The following DNHD1 variants were observed in gnomAD, a reference collection of about 807,000 sequenced individuals.
DNHD1 encodes the protein dynein heavy chain domain-containing protein 1.
Under a neutral mutation model 458.1 loss-of-function variants are expected in DNHD1, and 383 were observed. The ratio of observed to expected loss-of-function variants is 0.84; its 90% confidence interval spans 0.77 to 0.91. DNHD1 has a LOEUF of 0.91. Ranked by LOEUF, DNHD1 falls within the 40% of genes least tolerant of loss-of-function variation. The pLI is 0.00. For missense variants in DNHD1, 5,336 were observed against 5,866.1 expected, an observed-to-expected ratio of 0.91 and a Z score of 2.95; for synonymous variants, 2,203 against 2,376.9, an observed-to-expected ratio of 0.93 and a Z score of 2.13.
chr11:6,567,711 C>G lies in DNHD1; in HGVS notation c.12202C>G (p.Leu4068Val). The G allele has an allele frequency of 6.2e-7, 1 of 1,613,908 alleles. No homozygotes were observed. The highest frequency in any genetic ancestry group is 8.5e-7 in the Non-Finnish European group (1 of 1,179,900). ...DFTTSLLGRP[L>V]DENTYAPTMP... ...CACCACTAGCCTCCTGGGTCGGCCC[C>G]TGGATGAAAACACGTATGCTCCCAC... Residue 4068 changes from leucine to valine, a missense_variant, in exon 36 of 43, where the codon CTG becomes GTG. Leu to Val is a conservative substitution (Grantham distance 32). Coordinates refer to ENST00000254579, the MANE Select transcript of DNHD1 (RefSeq NM_144666.3).
chr11:6,547,737 TG>T, intron 21 of DNHD1, 71 bp downstream of exon 21: 4 of 1,480,144 alleles, frequency 2.7e-6, no homozygotes, highest in Middle Eastern at 2.0e-4. Flanking sequence ...AGCTGGAGCC[TG>T]GGGCGTGTGT....
At chr11:6,522,852 C>T (rs1852631692) in intron 10 of DNHD1, among the ~76,000 whole-genome samples, 2 of 152,114 alleles carry the variant, frequency 1.3e-5, no homozygotes, top group Non-Finnish European at 2.9e-5. Flanking sequence ...AGATTCTAAT[C>T]ACTAAAAGAA....
In DNHD1 at chr11:6,548,770, C is replaced by T. The variant is rs1394371455; in HGVS notation, c.7224C>T (p.Tyr2408=). The T allele has an allele frequency of 3.8e-5, 59 of 1,551,688 alleles. No individual in the cohort carries two copies. In the East Asian group the frequency reaches 1.4e-3, roughly 38 times the overall value. Residue 2408 remains tyrosine (Y), a synonymous_variant, in exon 24 of 43, where the codon TAC becomes TAT. Transcript: ENST00000254579. This position sits in a 1 kb window ranked among gnomAD's most constrained non-coding sequence, Gnocchi z 4.4. ...VEVLVEPHHP[Y]IYSPIHPAFS... ...TGCTGGTAGAGCCACATCACCCTTACATATACAGCCCCATCCACCCTGCCT... is the reference window on the plus strand; with the variant it reads ...TGCTGGTAGAGCCACATCACCCTTATATATACAGCCCCATCCACCCTGCCT...
At chr11:6,499,039 G>T (rs1440539351) in intron 3 of DNHD1, 78 bp downstream of exon 3, 1 of 1,465,610 alleles carries the variant, frequency 6.8e-7, no homozygotes, top group Non-Finnish European at 9.1e-7. Flanking sequence ...GGGTCACTTG[G>T]AAGTTTAGAT....
chr11:6,557,941 C>T lies in DNHD1; in HGVS notation c.8646C>T (p.Pro2882=), dbSNP rs1421843835. 1 of 1,551,418 alleles carries T rather than the reference C, an allele frequency of 6.4e-7. No individual in the cohort carries two copies. The highest frequency in any genetic ancestry group is 2.0e-5 in the Admixed American group (1 of 50,986). Reference sequence around the variant, plus strand: ...GCCTGGTCCGGGTGCTGGCCAGGCCCCGGCAGCATGGCCTGCTGCTCTCGG... The same window carrying T: ...GCCTGGTCCGGGTGCTGGCCAGGCCTCGGCAGCATGGCCTGCTGCTCTCGG... ...VARLVRVLAR[P]RQHGLLLSGA... The change falls in exon 25 of 43, where the codon CCC becomes CCT. Residue 2882 remains proline (P), a synonymous_variant. Transcript: ENST00000254579.
rs373256932 is a variant in DNHD1, at chr11:6,567,386, T to C, written c.11877T>C (p.Pro3959=). 43 of 1,613,694 alleles carry C rather than the reference T, an allele frequency of 2.7e-5. No homozygotes were observed. In the African/African-American group the frequency reaches 5.6e-4, roughly 21 times the overall value. Residue 3959 remains proline (P), a synonymous_variant, in exon 36 of 43, where the codon CCT becomes CCC. Coordinates refer to ENST00000254579, the MANE Select transcript of DNHD1 (RefSeq NM_144666.3). ...ASELERLALW[P]GLAASPSTVH... ...AGCTGGAAAGACTGGCACTCTGGCC[T>C]GGACTAGCAGCCTCTCCCAGCACAG...
intron 31 of DNHD1, 36 bp from the exon 32 acceptor site, chr11:6,564,297 G>T (rs1396787208): frequency 6.6e-7 from 1 of 1,504,984 alleles, no homozygotes; most frequent in South Asian, 1.3e-5. Flanking sequence ...CCTCCTCACT[G>T]GCCTACACAG....
chr11:6,525,573 T>A (rs1332631284), intron 10 of DNHD1, among the ~76,000 whole-genome samples: 2 of 152,242 alleles, frequency 1.3e-5, no homozygotes, highest in Admixed American at 1.3e-4. Flanking sequence ...CTAGCAGCCC[T>A]TGTGTTGATG....
chr11:6,503,063 C>T (rs1852169743), intron 4 of DNHD1, 137 bp downstream of exon 4: 1 of 918,122 alleles, frequency 1.1e-6, no homozygotes, highest in Non-Finnish European at 1.6e-6. Flanking sequence ...CTCTAGTGTC[C>T]CTCTCTCTTC....
Position 6,557,330 on chromosome 11 carries a change from G to A in DNHD1, c.8035G>A (p.Val2679Ile). ...GCTGCTCCTAGTAGTAGCTCAAAGT[G>A]TCTTCTGCTGTGGGCCAGGGCCCCA... ...AKLLLVVAQS[V>I]FCCGPGPQHL... The change falls in exon 25 of 43, where the codon GTC (valine) becomes ATC (isoleucine). Residue 2679 changes from valine (V) to isoleucine (I), a missense_variant. Coordinates refer to ENST00000254579, the MANE Select transcript of DNHD1 (RefSeq NM_144666.3). 1 of 1,551,542 alleles carries A rather than the reference G, an allele frequency of 6.4e-7. No individual in the cohort carries two copies.
chr11:6,545,498 G>A lies in DNHD1; in HGVS notation c.4559G>A (p.Arg1520Gln), dbSNP rs780405877. Residue 1520 changes from arginine (R) to glutamine (Q), a missense_variant, in exon 21 of 43, where the codon CGG becomes CAG. Arg to Gln is a conservative substitution (Grantham distance 43). Transcript: ENST00000254579. This position sits in a 1 kb window ranked among gnomAD's most constrained non-coding sequence, Gnocchi z 4.9. ...CVLVAEEVVW[R>Q]AEMEEALLEW... ...CTGGTGGCAGAGGAGGTGGTATGGC[G>A]GGCCGAGATGGAGGAGGCTCTGCTT... The A allele has an allele frequency of 4.3e-5, 66 of 1,551,596 alleles. No homozygotes were observed. The highest frequency in any genetic ancestry group is 5.4e-5 in the Non-Finnish European group (62 of 1,147,024).
chr11:6,558,303 G>A lies in DNHD1; in HGVS notation c.9002+6G>A. On this transcript the variant is annotated splice_donor_region_variant and intron_variant, in intron 25 of 42. Coordinates refer to ENST00000254579, the MANE Select transcript of DNHD1 (RefSeq NM_144666.3). ...AAGGAAATGGTGTTGCAGAGGTGAG[G>A]CCAAGAACCCCATATGCGAATCTGC... The A allele has an allele frequency of 6.5e-7, 1 of 1,549,528 alleles. No individual in the cohort carries two copies. Among genetic ancestry groups the A allele is most frequent in the Non-Finnish European group, 8.7e-7 (1 of 1,146,114 alleles).
Position 6,557,285 on chromosome 11 carries a change from G to C in DNHD1, c.7990G>C (p.Glu2664Gln). The C allele has an allele frequency of 1.3e-6, 2 of 1,551,582 alleles. No homozygotes were observed. Among genetic ancestry groups the C allele is most frequent in the Non-Finnish European group, 1.7e-6 (2 of 1,147,008 alleles). Residue 2664 changes from glutamate (E) to glutamine (Q), a missense_variant, in exon 25 of 43, where the codon GAA becomes CAA. By Grantham distance (29) the Glu-to-Gln change is conservative. Around this residue, in one of 4 missense-constraint regions of DNHD1, gnomAD observed 3,932 missense variants for 4,365.6 expected, o/e 0.90. Coordinates refer to ENST00000254579, the MANE Select transcript of DNHD1 (RefSeq NM_144666.3). The stretch of plus-strand genomic sequence containing the variant: ...TTGCGACCGGCTGGACAGCCCCAGG[G>C]AACGCTCCTACTGTGCCAAGCTGCT... Reference protein sequence around the residue: ...TFCDRLDSPRERSYCAKLLLV... With the variant: ...TFCDRLDSPRQRSYCAKLLLV...
At position 6,520,119 on chromosome 11, in the gene DNHD1, A is replaced by G. The variant is rs560416128; in HGVS notation, c.1785+17A>G. 2.0e-4 allele frequency: 319 copies of G among 1,614,194 alleles called. 6 individuals carry two copies. The South Asian group carries it at 3.2e-3, about 16-fold the overall frequency. On this transcript the variant is annotated intron_variant, in intron 9 of 42. Transcript: ENST00000254579. Reference sequence around the variant, plus strand: ...GCCTTGCAGGTATTCTGAATTGGGCAGAGAGCTGGCTGTGGGAATTCCCAG... The same window carrying G: ...GCCTTGCAGGTATTCTGAATTGGGCGGAGAGCTGGCTGTGGGAATTCCCAG...
At chr11:6,534,428 T>G (rs1852896891) in intron 14 of DNHD1, among the ~76,000 whole-genome samples, 1 of 151,512 alleles carries the variant, frequency 6.6e-6, no homozygotes, top group South Asian at 2.1e-4. Context: ...GAATGTTCCA[T>G]CAGAATGTGA....
chr11:6,525,341 T>A (rs901844129), intron 10 of DNHD1, among the ~76,000 whole-genome samples: 1 of 152,190 alleles, frequency 6.6e-6, no homozygotes, highest in Admixed American at 6.5e-5. Context: ...GTTCTCAGTG[T>A]CTCATGGGAG....
At chr11:6,499,964 G>T (rs997789540) in intron 3 of DNHD1, among the ~76,000 whole-genome samples, 6 of 75,044 alleles carry the variant, frequency 8.0e-5, no homozygotes, top group Admixed American at 1.8e-4. Context: ...TCTAACTTTC[G>T]ATTTTTTTTT....
chr11:6,556,485 G>C (rs182657345), intron 24 of DNHD1, among the ~76,000 whole-genome samples, 198 bp from the exon 25 acceptor site: 40 of 152,298 alleles, frequency 2.6e-4, no homozygotes, highest in Admixed American at 1.4e-3. Context: ...GTAGGATCTA[G>C]GGAGAAGAGA....
chr11:6,542,605 T>A (rs1853119217), intron 18 of DNHD1, among the ~76,000 whole-genome samples: 1 of 152,232 alleles, frequency 6.6e-6, no homozygotes. Flanking sequence ...CCGGGCATGT[T>A]AACCAAGGAC....
Sources: allele counts gnomAD v4.1 joint callset (sites outside exome capture counted in the v4.1 genomes callset), GRCh38; gene constraint gnomAD v4.1.1; regional missense constraint gnomAD v4.1.1; non-coding constraint Gnocchi (gnomAD v3.1); transcripts MANE v1.5; gene names NCBI Gene and HGNC (gene_info 2026-07-23, HGNC 2026-07-21).